The following C13orf42 variants were observed in gnomAD, a reference collection of about 807,000 sequenced individuals.
C13orf42 encodes chromosome 13 open reading frame 42.
chr13:51,115,428 C>T (rs1953480890), upstream of C13orf42, among the ~76,000 whole-genome samples: 1 of 152,210 alleles, frequency 6.6e-6, no homozygotes, highest in Admixed American at 6.5e-5. Context: ...CATTTTCCTC[C>T]CTACAGTTGG....
At chr13:51,119,947 C>CA (rs1182055023) in intron 1 of C13orf42, among the ~76,000 whole-genome samples, 3 of 150,576 alleles carry the variant, frequency 2.0e-5, no homozygotes, top group South Asian at 2.1e-4. Flanking sequence ...ACTCCCGACT[C>CA]AAAGAGATCG....
At chr13:51,095,904 C>T (rs1171207528) in intron 1 of C13orf42, among the ~76,000 whole-genome samples, 1 of 152,098 alleles carries the variant, frequency 6.6e-6, no homozygotes, top group East Asian at 1.9e-4. Context: ...TCTTTTCTTG[C>T]TTTTTCACAT....
chr13:51,118,252 A>T (rs549518930), intron 1 of C13orf42, among the ~76,000 whole-genome samples: 1 of 150,212 alleles, frequency 6.7e-6, no homozygotes, highest in Non-Finnish European at 1.5e-5. Context: ...GACCTTGAGT[A>T]GTGACATTGA....
chr13:51,105,277 C>A (rs73188237), intron 1 of C13orf42, among the ~76,000 whole-genome samples: 1 of 152,316 alleles, frequency 6.6e-6, no homozygotes, highest in South Asian at 2.1e-4. Flanking sequence ...ACAGCTGGGG[C>A]TCTGAGAAAT....
At chr13:51,167,091 A>G (rs1039497106) in intron 1 of C13orf42, among the ~76,000 whole-genome samples, 5 of 151,780 alleles carry the variant, frequency 3.3e-5, no homozygotes, top group African/African-American at 1.2e-4. Context: ...AAAAAAAACA[A>G]AAAACCAAAA....
intron 1 of C13orf42, among the ~76,000 whole-genome samples, chr13:51,170,471 CCT>C (rs1378224098): frequency 6.6e-6 from 1 of 152,140 alleles, no homozygotes; most frequent in Non-Finnish European, 1.5e-5. Flanking sequence ...CGGTAAGTGG[CCT>C]CTTTTTACTC....
intron 1 of C13orf42, among the ~76,000 whole-genome samples, chr13:51,109,251 A>G (rs906502704): frequency 4.6e-5 from 7 of 152,182 alleles, no homozygotes; most frequent in African/African-American, 1.7e-4. Context: ...GTTGAAACCA[A>G]TTGGGTTAGG....
chr13:51,160,521 A>C (rs1360978262), intron 1 of C13orf42, among the ~76,000 whole-genome samples: 1 of 152,182 alleles, frequency 6.6e-6, no homozygotes, highest in Non-Finnish European at 1.5e-5. Flanking sequence ...AAAATAAATA[A>C]ATAAATAAAT....
At chr13:51,152,550 C>T (rs912678901) in intron 1 of C13orf42, among the ~76,000 whole-genome samples, 2 of 152,106 alleles carry the variant, frequency 1.3e-5, no homozygotes, top group Admixed American at 6.6e-5. Context: ...GGTTCTTGCT[C>T]TGTTGCCCAG....
chr13:51,136,599 T>TG (rs1000788482), intron 1 of C13orf42, among the ~76,000 whole-genome samples: 4 of 152,088 alleles, frequency 2.6e-5, no homozygotes, highest in Admixed American at 1.3e-4. Context: ...CTCACCGGGG[T>TG]GTGGGACAAA....
intron 1 of C13orf42, among the ~76,000 whole-genome samples, chr13:51,099,183 T>G (rs543002509): frequency 9.2e-5 from 14 of 152,342 alleles, no homozygotes; most frequent in African/African-American, 3.4e-4. Context: ...AAAGTGATAC[T>G]TATCTATTTC....
chr13:51,112,630 A>G (rs1169162610), upstream of C13orf42, among the ~76,000 whole-genome samples: 1 of 152,184 alleles, frequency 6.6e-6, no homozygotes, highest in Non-Finnish European at 1.5e-5. Context: ...GGGATGATAA[A>G]GCATCTCCAC....
chr13:51,136,239 C>G (rs1566136018), intron 1 of C13orf42, among the ~76,000 whole-genome samples: 1 of 152,172 alleles, frequency 6.6e-6, no homozygotes, highest in Admixed American at 6.5e-5. Flanking sequence ...ATGCTCACAA[C>G]CACCTGCATG....
In C13orf42 at chr13:51,110,792, T is replaced by C; in HGVS notation, c.414+4A>G. The C allele has an allele frequency of 2.5e-6, 1 of 398,656 alleles. No individual in the cohort carries two copies. Among genetic ancestry groups the C allele is most frequent in the Non-Finnish European group, 4.4e-6 (1 of 226,076 alleles). The allele number at this position is 398,656 out of a possible 1,614,324, so 24.7% of individuals were successfully genotyped here. On this transcript the variant is annotated splice_donor_region_variant and intron_variant, in intron 1 of 3. Coordinates refer to ENST00000563710, the MANE Select transcript of C13orf42 (RefSeq NM_001351589.3). Reference sequence around the variant, plus strand: ...TCTAAATTGTACTGCTCAGCAGCACTTACCTTTATTTCTTTGGGAGTAGAC... The same window carrying C: ...TCTAAATTGTACTGCTCAGCAGCACCTACCTTTATTTCTTTGGGAGTAGAC...
chr13:51,115,607 G>A (rs1302602110), upstream of C13orf42, among the ~76,000 whole-genome samples: 1 of 152,012 alleles, frequency 6.6e-6, no homozygotes, highest in East Asian at 1.9e-4. Context: ...AAATCCCCTC[G>A]ACCACTCCCC....
At chr13:51,162,137 T>C (rs1382670414) in intron 1 of C13orf42, 1 of 283,192 alleles carries the variant, frequency 3.5e-6, no homozygotes, top group East Asian at 8.7e-5. Context: ...CCATTCTATA[T>C]GGGCATAAGC....
At chr13:51,147,819 C>T (rs1265161998) in intron 1 of C13orf42, among the ~76,000 whole-genome samples, 1 of 152,070 alleles carries the variant, frequency 6.6e-6, no homozygotes, top group Non-Finnish European at 1.5e-5. Context: ...TTAAAAATAC[C>T]CATGCCTGAT....
chr13:51,112,831 T>G (rs1318345309), upstream of C13orf42, among the ~76,000 whole-genome samples: 1 of 152,224 alleles, frequency 6.6e-6, no homozygotes, highest in Non-Finnish European at 1.5e-5. Flanking sequence ...CAGCCCATTA[T>G]GCTGGTCCCA....
chr13:51,106,638 G>A (rs1953359045), intron 1 of C13orf42, among the ~76,000 whole-genome samples: 1 of 152,150 alleles, frequency 6.6e-6, no homozygotes, highest in Admixed American at 6.5e-5. Context: ...TAGAAGTCAG[G>A]AATACAGCTG....
Sources: gnomAD v4.1 joint callset for allele counts (sites outside exome capture counted in the v4.1 genomes callset) on GRCh38, gnomAD v4.1.1 for gene constraint, MANE v1.5 for transcripts, NCBI Gene and HGNC (gene_info 2026-07-23, HGNC 2026-07-21) for gene names.